The following OTUD7A variants were observed in gnomAD, a reference collection of about 807,000 sequenced individuals.
OTUD7A encodes OTU domain-containing protein 7A.
A neutral mutation model predicts 65.7 loss-of-function variants in OTUD7A; 12 were observed. The ratio of observed to expected loss-of-function variants is 0.18; its 90% CI spans 0.12 to 0.30. OTUD7A has a LOEUF of 0.30. Among genes scored for constraint, OTUD7A ranks in the 10% least tolerant of loss-of-function variants. The probability of loss-of-function intolerance (pLI) is 1.00; values close to 1 mark genes in which losing one functional copy is unlikely to be tolerated. For synonymous variants in OTUD7A, 641 were observed against 586.3 expected (o/e 1.09, Z -1.35); for missense variants, 1,148 against 1,304.8 (o/e 0.88, Z 1.85).
At chr15:31,510,348 G>C (rs2041666842) in intron 8 of OTUD7A, among the ~76,000 whole-genome samples, 1 of 151,664 alleles carries the variant, frequency 6.6e-6, no homozygotes, top group Middle Eastern at 3.5e-3. Flanking sequence ...TGGTGTGCCT[G>C]GCTGTCTGGC....
intron 1 of OTUD7A, among the ~76,000 whole-genome samples, chr15:31,868,060 C>T (rs145653314): frequency 6.6e-6 from 1 of 152,358 alleles, no homozygotes; most frequent in Non-Finnish European, 1.5e-5. Context: ...TTCAACCTTT[C>T]TTCCGTGGGC....
At chr15:31,717,488 A>G (rs576970814) in intron 1 of OTUD7A, among the ~76,000 whole-genome samples, 2 of 151,864 alleles carry the variant, frequency 1.3e-5, no homozygotes, top group Admixed American at 6.6e-5. Flanking sequence ...AGAACATGCG[A>G]TATTTGGTTT....
chr15:31,544,227 A>G (rs1040022168), intron 5 of OTUD7A, among the ~76,000 whole-genome samples: 3 of 151,868 alleles, frequency 2.0e-5, no homozygotes, highest in Non-Finnish European at 3.0e-5. Context: ...TTGGGGATAT[A>G]GCTAAAATAG....
intron 3 of OTUD7A, among the ~76,000 whole-genome samples, chr15:31,583,229 T>C (rs1247395491): frequency 6.6e-6 from 1 of 152,190 alleles, no homozygotes; most frequent in African/African-American, 2.4e-5. Flanking sequence ...TGGTGCAGTC[T>C]AGTGATAGTC....
At chr15:31,788,142 TG>T (rs1895721380) in intron 1 of OTUD7A, among the ~76,000 whole-genome samples, 2 of 152,238 alleles carry the variant, frequency 1.3e-5, no homozygotes, top group South Asian at 4.1e-4. Context: ...GAATAAGTTT[TG>T]TTTTTGTCTT....
intron 1 of OTUD7A, among the ~76,000 whole-genome samples, chr15:31,831,776 C>T (rs189567443): frequency 2.0e-5 from 3 of 152,322 alleles, no homozygotes; most frequent in Non-Finnish European, 4.4e-5. Context: ...ACCCCTGGCA[C>T]GGTGAGGCAA....
chr15:31,860,641 A>ATATATATATATATATATATATATATG (rs1897698885), intron 1 of OTUD7A, among the ~76,000 whole-genome samples: 6 of 77,726 alleles, frequency 7.7e-5, no homozygotes, highest in African/African-American at 1.6e-4. Flanking sequence ...ATATATATAT[A>ATATATATATATATATATATATATATG]TATGTATGTA....
At chr15:31,766,268 A>G in intron 1 of OTUD7A, 1 of 1,599,150 alleles carries the variant, frequency 6.3e-7, no homozygotes, top group East Asian at 2.2e-5. Context: ...CACCCATTGC[A>G]TCATGAAGTT....
At chr15:31,550,368 T>C (rs969455010) in intron 5 of OTUD7A, among the ~76,000 whole-genome samples, 3 of 152,172 alleles carry the variant, frequency 2.0e-5, no homozygotes, top group African/African-American at 7.2e-5. Flanking sequence ...AGGCTGCTAT[T>C]GTCCCTCACT....
At chr15:31,628,510 T>C (rs1281567740) in intron 3 of OTUD7A, among the ~76,000 whole-genome samples, 1 of 152,212 alleles carries the variant, frequency 6.6e-6, no homozygotes, top group Admixed American at 6.5e-5. Flanking sequence ...GTAGTATAGT[T>C]TGAAGTCAGG....
intron 5 of OTUD7A, among the ~76,000 whole-genome samples, chr15:31,547,069 A>G (rs547277190): frequency 7.1e-5 from 8 of 113,456 alleles, no homozygotes; most frequent in Admixed American, 1.9e-4. Context: ...TAATGGGTCT[A>G]GCTCCAGAGA....
At chr15:31,766,450 G>C in intron 1 of OTUD7A, 1 of 1,582,684 alleles carries the variant, frequency 6.3e-7, no homozygotes, top group South Asian at 1.1e-5. Context: ...GAAGAAGCTG[G>C]AAGTAAAGAG....
chr15:31,546,539 T>C (rs781731602), intron 5 of OTUD7A, among the ~76,000 whole-genome samples: 1 of 152,178 alleles, frequency 6.6e-6, no homozygotes, highest in Middle Eastern at 3.2e-3. Context: ...CATGTGAGAA[T>C]ACAGTGAGAA....
rs112259505 is a variant in OTUD7A at position 31,784,549 on chromosome 15, G to A, written c.-100+85958C>T. ...TATAATTGTAATTTTAAAATTGATA[G>A]GTATTTTATAAATTCTCAGTATTAA... On this transcript the variant is annotated intron_variant, in intron 1 of 12. Transcript: ENST00000307050. Among the ~76,000 whole-genome samples, 1,068 of 152,080 alleles carry A rather than the reference G, an allele frequency of 7.0e-3. 15 individuals are homozygous for A. The highest frequency in any genetic ancestry group is 0.024 in the African/African-American group (1,008 of 41,466).
chr15:31,853,436 A>G (rs1897481268), intron 1 of OTUD7A, among the ~76,000 whole-genome samples: 1 of 152,236 alleles, frequency 6.6e-6, no homozygotes, highest in Non-Finnish European at 1.5e-5. Context: ...CACAACCACA[A>G]GCCACAAACT....
At chr15:31,566,023 T>G (rs1888858679) in intron 4 of OTUD7A, among the ~76,000 whole-genome samples, 2 of 152,050 alleles carry the variant, frequency 1.3e-5, no homozygotes, top group Non-Finnish European at 2.9e-5. Flanking sequence ...AAACCTTGTC[T>G]CTACTAAAAA....
At chr15:31,861,824 A>C (rs954529235) in intron 1 of OTUD7A, among the ~76,000 whole-genome samples, 5 of 152,162 alleles carry the variant, frequency 3.3e-5, no homozygotes, top group African/African-American at 1.2e-4. Context: ...TCAATCTAAT[A>C]ATCTAATGCT....
chr15:31,756,127 G>A (rs1567006836), intron 1 of OTUD7A, among the ~76,000 whole-genome samples: 2 of 152,228 alleles, frequency 1.3e-5, no homozygotes, highest in Non-Finnish European at 2.9e-5. Flanking sequence ...TAACACTTCA[G>A]CGCCTGTGGA....
At chr15:31,592,381 A>T (rs183708296) in intron 3 of OTUD7A, among the ~76,000 whole-genome samples, 2,538 of 96,372 alleles carry the variant, frequency 0.026, 27 homozygotes, top group Middle Eastern at 0.058. Flanking sequence ...ATCTTTTTTT[A>T]AAAAAAAAAT....
Sources: gnomAD v4.1 joint callset for allele counts (sites outside exome capture counted in the v4.1 genomes callset) on GRCh38, gnomAD v4.1.1 for gene constraint, MANE v1.5 for transcripts, NCBI Gene and HGNC (gene_info 2026-07-23, HGNC 2026-07-21) for gene names.